OR5V1: variants seen among roughly 807,000 people sequenced by gnomAD.
OR5V1 encodes olfactory receptor family 5 subfamily V member 1.
For missense variants in OR5V1, 365 were observed against 371.5 expected, an observed-to-expected ratio of 0.98 and a Z score of 0.14; for synonymous variants, 134 against 143.2, an observed-to-expected ratio of 0.94 and a Z score of 0.46.
chr6:29,355,411 G>T lies in OR5V1; in HGVS notation c.785C>A (p.Pro262His). The T allele has an allele frequency of 6.2e-7, 1 of 1,613,962 alleles. No homozygotes were observed. Among genetic ancestry groups the T allele is most frequent in the Non-Finnish European group, 8.5e-7 (1 of 1,179,898 alleles). Residue 262 changes from proline (P) to histidine (H), a missense_variant, in exon 2 of 2, where the codon CCC becomes CAC. Coordinates refer to ENST00000641768, the MANE Select transcript of OR5V1 (RefSeq NM_030876.6). ...YGSAIFTYVR[P>H]ISTYSLKKDR... ...TTTCTTTAATGAGTAAGTTGAGATGGGCCGTACATATGTAAAGATGGCGCT... is the reference window on the plus strand; with the variant it reads ...TTTCTTTAATGAGTAAGTTGAGATGTGCCGTACATATGTAAAGATGGCGCT...
At position 29,368,621 on chromosome 6, in the gene OR5V1, TACTC is replaced by T. The variant is rs919753780; in HGVS notation, c.-83+7_-83+10del. ...CTATAGTTAAGCAATTAAAAATACT[TACTC>T]ACTCACCTGTGATTGGAGATATTGA... On this transcript the variant is annotated splice_region_variant and intron_variant, in intron 1 of 1. Transcript: ENST00000641768. 16 of 152,326 alleles carry T rather than the reference TACTC, an allele frequency of 1.1e-4. No homozygotes were observed. Among genetic ancestry groups the T allele is most frequent in the African/African-American group, 2.9e-4 (12 of 41,584 alleles). 9.4% of individuals were successfully genotyped at this position (152,326 alleles called of 1,614,324 possible). A position where few individuals can be genotyped will look rare whatever the true frequency, so the allele number is the denominator to read the frequency against.
At chr6:29,367,111 T>C (rs753871395) in intron 1 of OR5V1, among the ~76,000 whole-genome samples, 1 of 152,150 alleles carries the variant, frequency 6.6e-6, no homozygotes, top group Non-Finnish European at 1.5e-5. Context: ...GAATTTTCTT[T>C]TTCAGAATAG....
chr6:29,354,221 T>C lies in OR5V1; in HGVS notation c.*1009A>G, dbSNP rs1431308644. On this transcript the variant is annotated 3_prime_UTR_variant, in exon 2 of 2. Coordinates refer to ENST00000641768, the MANE Select transcript of OR5V1 (RefSeq NM_030876.6). Reference sequence around the variant, plus strand: ...CTCTTACATTGTATGTTATTTATTTTCCCTTCTTGGTATCTCTAAGTCTCT... The same window carrying C: ...CTCTTACATTGTATGTTATTTATTTCCCCTTCTTGGTATCTCTAAGTCTCT... The C allele has an allele frequency of 6.6e-6, 1 of 152,076 alleles. No homozygotes were observed. Among genetic ancestry groups the C allele is most frequent in the Non-Finnish European group, 1.5e-5 (1 of 67,952 alleles). The allele number at this position is 152,076 out of a possible 1,614,324, so 9.4% of individuals were successfully genotyped here.
chr6:29,363,159 T>C (rs373443493), intron 1 of OR5V1, among the ~76,000 whole-genome samples: 8 of 152,116 alleles, frequency 5.3e-5, no homozygotes, highest in African/African-American at 1.9e-4. Context: ...CATGAGAGAA[T>C]ACTATAAATA....
intron 1 of OR5V1, among the ~76,000 whole-genome samples, chr6:29,361,340 C>A (rs902353372): frequency 1.3e-5 from 2 of 151,972 alleles, no homozygotes; most frequent in African/African-American, 4.8e-5. Flanking sequence ...AGAATGAGAC[C>A]AAGTTGGAAA....
At chr6:29,363,238 G>T (rs948181972) in intron 1 of OR5V1, among the ~76,000 whole-genome samples, 2 of 152,120 alleles carry the variant, frequency 1.3e-5, no homozygotes, top group Non-Finnish European at 2.9e-5. Flanking sequence ...ACCCTTCCAA[G>T]CCTAAACCAG....
In OR5V1 at chr6:29,356,262, G is replaced by A; in HGVS notation, c.-67C>T. On this transcript the variant is annotated 5_prime_UTR_variant, in exon 2 of 2. Transcript: ENST00000641768. ...ACCAGATTATAAAAATGAATCATAT[G>A]CTGCAATAGCATGACCTGAAAAATA... 1 of 1,490,712 alleles carries A rather than the reference G, an allele frequency of 6.7e-7. No individual in the cohort carries two copies. The allele number at this position is 1,490,712 out of a possible 1,614,324, so 92.3% of individuals were successfully genotyped here. A position where few individuals can be genotyped will look rare whatever the true frequency, so the allele number is the denominator to read the frequency against.
Position 29,355,668 on chromosome 6 carries a change from G to A in OR5V1, c.528C>T (p.Tyr176=), listed in dbSNP as rs760354398. The change falls in exon 2 of 2, where the codon TAC becomes TAT. Residue 176 remains tyrosine, a synonymous_variant. Transcript: ENST00000641768. ...LPFCGNNQIN[Y]FFCDIPPLLI... ...GCAAAGGGGGGATGTCACAGAAGAA[G>A]TAATTAATCTGATTGTTGCCACAGA... 4 of 1,614,018 alleles carry A rather than the reference G, an allele frequency of 2.5e-6. No individual in the cohort carries two copies. Among genetic ancestry groups the A allele is most frequent in the Non-Finnish European group, 3.4e-6 (4 of 1,179,920 alleles).
chr6:29,356,328 G>C, intron 1 of OR5V1, 51 bp from the exon 2 acceptor site: 1 of 1,032,446 alleles, frequency 9.7e-7, no homozygotes, highest in Non-Finnish European at 1.4e-6. Flanking sequence ...CACCATTTAT[G>C]TCAAACCAGA....
rs9280595 is a variant in OR5V1, at chr6:29,364,797, CAAAAAAAAAAA to C, written c.-83+3824_-83+3834del. Among the ~76,000 whole-genome samples the C allele has an allele frequency of 1.2e-3, 4 of 3,222 alleles. 1 individual carries two copies. The highest frequency in any genetic ancestry group is 3.3e-3 in the African/African-American group (4 of 1,230). The allele number at this position is 3,222 out of a possible 152,430, so 2.1% of individuals were successfully genotyped here. On this transcript the variant is annotated intron_variant, in intron 1 of 1. Coordinates refer to ENST00000641768, the MANE Select transcript of OR5V1 (RefSeq NM_030876.6). ...TGGGCGACAGAGCGAGACTCCGTCT[CAAAAAAAAAAA>C]AAAAAAAAAAAAAAAGAACAAAGCT...
At chr6:29,368,287 C>T (rs1336287940) in intron 1 of OR5V1, among the ~76,000 whole-genome samples, 2 of 152,168 alleles carry the variant, frequency 1.3e-5, no homozygotes, top group Non-Finnish European at 2.9e-5. Context: ...GAAGTGTGTT[C>T]CTGATACTAT....
intron 1 of OR5V1, among the ~76,000 whole-genome samples, chr6:29,363,620 AC>A (rs1778691206): frequency 6.6e-6 from 1 of 152,258 alleles, no homozygotes; most frequent in South Asian, 2.1e-4. Context: ...TCGGCTTCAT[AC>A]CTGGGATAAA....
In OR5V1 at chr6:29,355,211, A is replaced by T. The variant is rs1190332587; in HGVS notation, c.*19T>A. 6.5e-7 allele frequency: 1 copy of T among 1,546,156 alleles called. No individual in the cohort carries two copies. Among genetic ancestry groups the T allele is most frequent in the African/African-American group, 1.4e-5 (1 of 72,056 alleles). On this transcript the variant is annotated 3_prime_UTR_variant, in exon 2 of 2. Coordinates refer to ENST00000641768, the MANE Select transcript of OR5V1 (RefSeq NM_030876.6). ...GAAAAAGTTAATTTTGTAGTATAAG[A>T]TTATTGAACCTGTGAGGTTCAATAA... is the stretch of plus-strand genomic sequence containing the variant.
chr6:29,367,138 A>AT (rs35278105), intron 1 of OR5V1, among the ~76,000 whole-genome samples: 1 of 152,062 alleles, frequency 6.6e-6, no homozygotes, highest in Non-Finnish European at 1.5e-5. Context: ...AATTTTAGTC[A>AT]TTTTTTTATC....
Position 29,355,800 on chromosome 6 carries a change from A to G in OR5V1, c.396T>C (p.Tyr132=). The G allele has an allele frequency of 7.4e-6, 12 of 1,614,082 alleles. No individual in the cohort carries two copies. The highest frequency in any genetic ancestry group is 1.0e-5 in the Non-Finnish European group (12 of 1,179,966). ...ATAGAACCTTGCTCAGAATAACTGA[A>G]TACCTTAAAGGATTGCAGATTGCAA... ...RYIAICNPLR[Y]SVILSKVLCN... Residue 132 remains tyrosine, a synonymous_variant, in exon 2 of 2, where the codon TAT becomes TAC. Transcript: ENST00000641768.
At chr6:29,364,526 CGGTGGCTCACGCCTGTAATCCCA>C (rs1246483562) in intron 1 of OR5V1, among the ~76,000 whole-genome samples, 2 of 25,392 alleles carry the variant, frequency 7.9e-5, no homozygotes, top group African/African-American at 1.7e-4. Context: ...GGGCCGGGCG[CGGTGGCTCACGCCTGTAATCCCA>C]GCACTTTGGG....
In OR5V1 at chr6:29,364,176, GA is replaced by G. The variant is rs552533143; in HGVS notation, c.-83+4455del. Among the ~76,000 whole-genome samples the G allele has an allele frequency of 3.0e-3, 462 of 152,120 alleles. 2 individuals carry two copies. Among genetic ancestry groups the G allele is most frequent in the Admixed American group, 6.0e-3 (91 of 15,256 alleles). On this transcript the variant is annotated intron_variant, in intron 1 of 1. Transcript: ENST00000641768. The stretch of plus-strand genomic sequence containing the variant: ...ATAGACAAGCAGAAAGCTGAATCAT[GA>G]GTGAACTCCCATTCACAATTACCAT...
intron 1 of OR5V1, among the ~76,000 whole-genome samples, chr6:29,357,468 A>G (rs1778370233): frequency 6.6e-6 from 1 of 152,190 alleles, no homozygotes; most frequent in Non-Finnish European, 1.5e-5. Flanking sequence ...AATGCCCTTA[A>G]AAAACACTTC....
At chr6:29,364,458 T>G (rs1778746099) in intron 1 of OR5V1, among the ~76,000 whole-genome samples, 1 of 151,286 alleles carries the variant, frequency 6.6e-6, no homozygotes, top group Non-Finnish European at 1.5e-5. Context: ...AAATTTCATA[T>G]GGAACCAAAA....
Sources: allele counts gnomAD v4.1 joint callset (sites outside exome capture counted in the v4.1 genomes callset), GRCh38; gene constraint gnomAD v4.1.1; transcripts MANE v1.5; gene names NCBI Gene and HGNC (gene_info 2026-07-23, HGNC 2026-07-21).